Variants in KRT8 observed in about 807,000 individuals in gnomAD.
KRT8 encodes keratin, type II cytoskeletal 8.
In KRT8, 24 loss-of-function variants were observed where a neutral mutation model predicts 43.0. That is an observed-to-expected ratio of 0.56 (90% CI 0.40 to 0.78). The LOEUF (loss-of-function observed/expected upper bound fraction) is 0.78. Ranked by LOEUF, KRT8 falls within the 30% of genes least tolerant of loss-of-function variation. The pLI, the probability that KRT8 is intolerant of heterozygous loss-of-function variation, is 0.00. For synonymous variants in KRT8, 214 were observed against 261.2 expected, an observed-to-expected ratio of 0.82 and a Z score of 1.74; for missense variants, 492 against 638.4, an observed-to-expected ratio of 0.77 and a Z score of 2.47.
chr12:52,949,447 G>T (rs1434610693), intron 2 of KRT8: 2 of 1,518,716 alleles, frequency 1.3e-6, no homozygotes, highest in Non-Finnish European at 1.8e-6. Context: ...CGACCGCCTG[G>T]CCTCTTACCT....
chr12:52,898,935 G>C lies in KRT8; in HGVS notation c.982-36C>G, dbSNP rs758258189. The C allele has an allele frequency of 1.9e-6, 3 of 1,594,508 alleles. No individual in the cohort carries two copies. The East Asian group carries it at 6.7e-5, about 36-fold the overall frequency. On this transcript the variant is annotated intron_variant, in intron 5 of 7. Coordinates refer to ENST00000692008, the Ensembl canonical transcript of KRT8. ...GGGGACAGGTAAGTAGGTCAGGTTGGGTATGCCTTCTCTTCTCCCGTGCTC... is the reference window on the plus strand; with the variant it reads ...GGGGACAGGTAAGTAGGTCAGGTTGCGTATGCCTTCTCTTCTCCCGTGCTC...
intron 2 of KRT8, among the ~76,000 whole-genome samples, chr12:52,929,338 C>T (rs1942047767): frequency 6.6e-6 from 1 of 152,014 alleles, no homozygotes; most frequent in Admixed American, 6.6e-5. Flanking sequence ...ATTACAGGTG[C>T]CCACCACCAC....
At chr12:52,945,981 C>T (rs1301676374) in intron 2 of KRT8, among the ~76,000 whole-genome samples, 1 of 152,118 alleles carries the variant, frequency 6.6e-6, no homozygotes, top group Non-Finnish European at 1.5e-5. Context: ...CCCTGAGCCA[C>T]AGAGGAATCT....
At chr12:52,906,036 G>A (rs570984755), upstream of KRT8, among the ~76,000 whole-genome samples, 182 of 152,284 alleles carry the variant, frequency 1.2e-3, 1 homozygote, top group African/African-American at 2.9e-3. Context: ...AGCTGAGATC[G>A]TGCCACTGCA....
At chr12:52,910,693 C>T (rs1023364940), upstream of KRT8, among the ~76,000 whole-genome samples, 9 of 152,164 alleles carry the variant, frequency 5.9e-5, no homozygotes, top group East Asian at 1.9e-4. Flanking sequence ...TTCAGGCAAC[C>T]GGACAGGAGT....
intron 2 of KRT8, chr12:52,926,295 G>A: frequency 2.4e-6 from 2 of 846,246 alleles, no homozygotes; most frequent in Admixed American, 4.5e-5. Context: ...TCCTCATCTG[G>A]TGGCTGAGGC....
At chr12:52,915,287 G>A (rs1317701825) in intron 2 of KRT8, among the ~76,000 whole-genome samples, 2 of 151,074 alleles carry the variant, frequency 1.3e-5, no homozygotes, top group East Asian at 3.9e-4. Context: ...GCAGGAGAAT[G>A]GCGTGAACCC....
intron 2 of KRT8, among the ~76,000 whole-genome samples, chr12:52,938,170 ATTTTTTTTTTTT>A (rs780140219): frequency 1.5e-3 from 45 of 30,208 alleles, no homozygotes; most frequent in Non-Finnish European, 1.8e-3. Flanking sequence ...ATATATATAT[ATTTTTTTTTTTT>A]TTTATATATA....
At chr12:52,915,529 G>A (rs1941719857) in intron 2 of KRT8, among the ~76,000 whole-genome samples, 2 of 151,922 alleles carry the variant, frequency 1.3e-5, no homozygotes, top group South Asian at 4.2e-4. Flanking sequence ...TCAACATGGT[G>A]AAACCCCATC....
At chr12:52,938,779 G>A (rs1022024291) in intron 2 of KRT8, among the ~76,000 whole-genome samples, 7 of 152,072 alleles carry the variant, frequency 4.6e-5, no homozygotes, top group Admixed American at 1.3e-4. Context: ...CACCAGTCCC[G>A]GTTAATTTTT....
In KRT8 at chr12:52,927,091, A is replaced by T. The variant is rs1942006517; in HGVS notation, c.-46-22064T>A. On this transcript the variant is annotated intron_variant, in intron 2 of 6. Coordinates refer to the KRT8 transcript ENST00000546826. ...GGACCCCAAGGATTCCCCCCAAGGGAGGAAAGAAGCTGTGATTGTTTCATG... is the reference window on the plus strand; with the variant it reads ...GGACCCCAAGGATTCCCCCCAAGGGTGGAAAGAAGCTGTGATTGTTTCATG... Among the ~76,000 whole-genome samples, 3 of 151,986 alleles carry T rather than the reference A, an allele frequency of 2.0e-5. No homozygotes were observed. The South Asian group carries it at 6.2e-4, about 32-fold the overall frequency.
At chr12:52,940,792 ATT>A (rs1942255453) in intron 2 of KRT8, among the ~76,000 whole-genome samples, 1 of 149,926 alleles carries the variant, frequency 6.7e-6, no homozygotes, top group Admixed American at 6.7e-5. Context: ...TGCCCCGCTA[ATT>A]TTTTTGTATT....
upstream of KRT8, chr12:52,907,020 C>T (rs1418085163): frequency 7.7e-6 from 2 of 260,052 alleles, no homozygotes; most frequent in Non-Finnish European, 1.5e-5. Flanking sequence ...ACACCCCACA[C>T]ATTGAAGTCC....
chr12:52,907,230 C>G (rs1222980218), upstream of KRT8, among the ~76,000 whole-genome samples: 14 of 152,152 alleles, frequency 9.2e-5, no homozygotes, highest in Admixed American at 9.2e-4. Context: ...CATGCTACCC[C>G]CTCCCCAACA....
exon 8 of KRT8, chr12:52,897,571 A>T: frequency 6.3e-7 from 1 of 1,598,288 alleles, no homozygotes. Flanking sequence ...CCCAGGCTGT[A>T]GCTGAGGCCG....
chr12:52,908,574 A>G (rs1372266601), upstream of KRT8, among the ~76,000 whole-genome samples: 1 of 152,226 alleles, frequency 6.6e-6, no homozygotes, highest in Non-Finnish European at 1.5e-5. Context: ...GTACCCTATG[A>G]TTCCATTTAT....
At chr12:52,898,792 G>T in exon 6 of KRT8, 1 of 1,614,224 alleles carries the variant, frequency 6.2e-7, no homozygotes, top group East Asian at 2.2e-5. Context: ...TGTCCTGCTT[G>T]GCCCGCTGCA....
chr12:52,943,112 T>C (rs920459610), intron 2 of KRT8, among the ~76,000 whole-genome samples: 3 of 152,206 alleles, frequency 2.0e-5, no homozygotes, highest in Non-Finnish European at 4.4e-5. Flanking sequence ...GTTTAATTAC[T>C]GATCAGCTTT....
chr12:52,944,788 C>A (rs1942319138), intron 2 of KRT8, among the ~76,000 whole-genome samples: 1 of 152,214 alleles, frequency 6.6e-6, no homozygotes, highest in Non-Finnish European at 1.5e-5. Flanking sequence ...TCTCCCACCC[C>A]TGGGGAAGAG....
Sources: gnomAD v4.1 joint callset for allele counts (sites outside exome capture counted in the v4.1 genomes callset) on GRCh38, gnomAD v4.1.1 for gene constraint, MANE v1.5 for transcripts, NCBI Gene and HGNC (gene_info 2026-07-23, HGNC 2026-07-21) for gene names.